RBFOX1: variants seen among roughly 807,000 people sequenced by gnomAD.
RBFOX1 encodes the protein RNA binding fox-1 homolog 1, also known as RNA binding protein fox-1 homolog 1.
A neutral mutation model predicts 57.7 loss-of-function variants in RBFOX1; 8 were observed. That is an observed-to-expected ratio of 0.14 (90% CI 0.08 to 0.25). The LOEUF (loss-of-function observed/expected upper bound fraction) is 0.25. Among genes scored for constraint, RBFOX1 ranks in the 10% least tolerant of loss-of-function variants. The probability of loss-of-function intolerance (pLI) is 1.00; values close to 1 mark genes in which losing one functional copy is unlikely to be tolerated. For synonymous variants in RBFOX1, 326 were observed against 222.4 expected (o/e 1.47, Z -4.15); for missense variants, 611 against 548.5 (o/e 1.11, Z -1.14).
At position 7,085,775 on chromosome 16, in the gene RBFOX1, G is replaced by A. The variant is rs2059895601; in HGVS notation, c.27+33677G>A. Among the ~76,000 whole-genome samples, 5 of 152,294 alleles carry A rather than the reference G, an allele frequency of 3.3e-5. No homozygotes were observed. The South Asian group carries it at 1.0e-3, about 32-fold the overall frequency. ...TTTTTCTTCACTGTAATGACAGAGT[G>A]TGTTCAGAACTTCTCCCAAGTAGGA... On this transcript the variant is annotated intron_variant, in intron 4 of 15. Coordinates refer to ENST00000550418, the MANE Select transcript of RBFOX1 (RefSeq NM_018723.4).
chr16:5,553,278 TA>T (rs1046590814), intron 2 of RBFOX1, among the ~76,000 whole-genome samples: 4 of 151,328 alleles, frequency 2.6e-5, no homozygotes, highest in Non-Finnish European at 5.9e-5. Flanking sequence ...ACTTAAAGTA[TA>T]AGAATAAAAA....
chr16:5,535,010 C>T (rs2044639950), intron 2 of RBFOX1, among the ~76,000 whole-genome samples: 1 of 152,164 alleles, frequency 6.6e-6, no homozygotes, highest in African/African-American at 2.4e-5. Flanking sequence ...TGGGAAATCA[C>T]AATGAATAAA....
At chr16:7,385,527 G>A (rs577056350) in intron 4 of RBFOX1, among the ~76,000 whole-genome samples, 1 of 152,274 alleles carries the variant, frequency 6.6e-6, no homozygotes, top group Admixed American at 6.5e-5. Flanking sequence ...AGTGGGAAGA[G>A]CAGGAGTGAG....
chr16:5,672,287 CAG>C (rs1175703650), intron 3 of RBFOX1, among the ~76,000 whole-genome samples: 1 of 152,142 alleles, frequency 6.6e-6, no homozygotes, highest in Non-Finnish European at 1.5e-5. Context: ...AAATGAATTA[CAG>C]ATCAATAAAC....
chr16:7,048,604 AT>A (rs2048873507), intron 3 of RBFOX1, among the ~76,000 whole-genome samples: 1 of 151,926 alleles, frequency 6.6e-6, no homozygotes, highest in Non-Finnish European at 1.5e-5. Context: ...AATGCTGTCA[AT>A]TTTTTTCTCA....
At chr16:7,374,305 C>T (rs141339952) in intron 4 of RBFOX1, among the ~76,000 whole-genome samples, 1 of 152,158 alleles carries the variant, frequency 6.6e-6, no homozygotes, top group South Asian at 2.1e-4. Flanking sequence ...AGCGGAATGT[C>T]CTTCTTAAGG....
intron 3 of RBFOX1, among the ~76,000 whole-genome samples, chr16:6,862,379 A>T (rs72768870): frequency 0.047 from 7,091 of 152,250 alleles, 241 homozygotes; most frequent in Non-Finnish European, 0.071. Flanking sequence ...AAGGCCCCAG[A>T]GCAGGTTCAA....
At chr16:6,092,518 T>C (rs1268942790) in intron 1 of RBFOX1, 1 of 152,210 alleles carries the variant, frequency 6.6e-6, no homozygotes, top group Admixed American at 6.5e-5. Context: ...GTTCAACATG[T>C]TATAACTTCA....
chr16:5,469,270 C>A (rs963814497), intron 2 of RBFOX1, among the ~76,000 whole-genome samples: 1 of 152,104 alleles, frequency 6.6e-6, no homozygotes, highest in Non-Finnish European at 1.5e-5. Flanking sequence ...TGTGCTCATT[C>A]CCCAGCACAC....
intron 14 of RBFOX1, among the ~76,000 whole-genome samples, chr16:7,677,759 T>C (rs1353597800): frequency 1.3e-5 from 2 of 152,202 alleles, no homozygotes; most frequent in Non-Finnish European, 2.9e-5. Flanking sequence ...TTTAAAAATA[T>C]GTTTCACGAA....
At position 5,340,316 on chromosome 16, in the gene RBFOX1, C is replaced by T. The variant is rs567994930; in HGVS notation, c.219+100211C>T. 1.4e-3 allele frequency among the ~76,000 whole-genome samples: 209 copies of T among 152,234 alleles called. 1 individual carries two copies. Among genetic ancestry groups the T allele is most frequent in the Admixed American group, 2.9e-3 (44 of 15,290 alleles). On this transcript the variant is annotated intron_variant, in intron 1 of 2. Coordinates refer to the RBFOX1 transcript ENST00000585867. ...TGGACCAGGTTTGTGGTTTTCAGAG[C>T]TATTTCCTCACATTAAGTTAGTATA...
chr16:6,054,192 T>G (rs7184500), intron 1 of RBFOX1, among the ~76,000 whole-genome samples: 47,367 of 152,038 alleles, frequency 0.31, 7,809 homozygotes, highest in Non-Finnish European at 0.37. Flanking sequence ...AATTTTTGTT[T>G]CATATTTTAT....
intron 4 of RBFOX1, among the ~76,000 whole-genome samples, chr16:7,380,248 C>T (rs941768364): frequency 1.3e-5 from 2 of 152,136 alleles, no homozygotes; most frequent in Admixed American, 1.3e-4. Context: ...AGAAAATAAC[C>T]ATCTTCACCA....
rs143814031 is a variant in RBFOX1, at chr16:7,622,283, A to C, written c.677-8320A>C. 4.5e-4 allele frequency among the ~76,000 whole-genome samples: 68 copies of C among 152,344 alleles called. 1 individual carries two copies. In the East Asian group the frequency reaches 0.012, roughly 26 times the overall value. ...ATATCCTCATCTATTAAATGGGTAT[A>C]AAAATAGTGTCTGTCCTACAGGGTC... On this transcript the variant is annotated intron_variant, in intron 10 of 15. Transcript: ENST00000550418.
intron 4 of RBFOX1, among the ~76,000 whole-genome samples, chr16:6,012,424 C>A (rs567655091): frequency 3.9e-5 from 6 of 152,278 alleles, no homozygotes; most frequent in African/African-American, 1.4e-4. Context: ...GAAGATTTTG[C>A]CCCTTGGGGA....
At chr16:6,675,663 G>A (rs1008317819) in intron 3 of RBFOX1, among the ~76,000 whole-genome samples, 2 of 152,178 alleles carry the variant, frequency 1.3e-5, no homozygotes, top group African/African-American at 2.4e-5. Context: ...TCACAATCAT[G>A]GCAGAAGGAA....
chr16:6,351,053 G>A (rs990285138), intron 2 of RBFOX1, among the ~76,000 whole-genome samples: 3 of 152,064 alleles, frequency 2.0e-5, no homozygotes, highest in Non-Finnish European at 4.4e-5. Context: ...GTTTTCTCCT[G>A]TTGCCTTTCA....
At chr16:6,240,024 C>A (rs947641425) in intron 1 of RBFOX1, among the ~76,000 whole-genome samples, 4 of 152,082 alleles carry the variant, frequency 2.6e-5, no homozygotes, top group Admixed American at 6.6e-5. Context: ...AGGCTTGGTG[C>A]TGTCTTCATG....
intron 14 of RBFOX1, among the ~76,000 whole-genome samples, chr16:7,682,653 G>A (rs1002190725): frequency 1.3e-5 from 2 of 150,974 alleles, no homozygotes; most frequent in African/African-American, 4.9e-5. Context: ...TAAGAATGTA[G>A]CAGAAATGAG....
Sources: gnomAD v4.1 joint callset for allele counts (sites outside exome capture counted in the v4.1 genomes callset) on GRCh38, gnomAD v4.1.1 for gene constraint, MANE v1.5 for transcripts, NCBI Gene and HGNC (gene_info 2026-07-23, HGNC 2026-07-21) for gene names.